SORL1: variants seen among roughly 807,000 people sequenced by gnomAD.
SORL1 encodes sortilin-related receptor.
Under a neutral mutation model 273.7 loss-of-function variants are expected in SORL1, and 127 were observed. The ratio of observed to expected loss-of-function variants is 0.46; its 90% confidence interval spans 0.40 to 0.54. SORL1 has a LOEUF of 0.54. SORL1 is among the 20% of genes least tolerant of loss of function. The pLI, the probability that SORL1 is intolerant of heterozygous loss-of-function variation, is 0.00. For synonymous variants in SORL1, 1,031 were observed against 1,067.4 expected (o/e 0.97, Z 0.66); for missense variants, 2,494 against 2,846.1 (o/e 0.88, Z 2.81).
chr11:121,616,774 A>G (rs900286541), intron 41 of SORL1, among the ~76,000 whole-genome samples: 1 of 152,252 alleles, frequency 6.6e-6, no homozygotes, highest in African/African-American at 2.4e-5. Context: ...ATATATGAAA[A>G]GATTTATTCT....
intron 1 of SORL1, among the ~76,000 whole-genome samples, chr11:121,467,416 C>T (rs1002598779): frequency 2.0e-5 from 3 of 152,276 alleles, no homozygotes; most frequent in Middle Eastern, 3.4e-3. Flanking sequence ...GAAAGCTTTG[C>T]AACCTACTCA....
chr11:121,595,687 C>T lies in SORL1; in HGVS notation c.4434C>T (p.Cys1478=). ...GATGTGACCGATTTGAGTTCGAATG[C>T]CACCAACCGAAGACGTGTATTCCCA... ...LGRCDRFEFE[C]HQPKTCIPNW... The change falls in exon 32 of 48, where the codon TGC becomes TGT. Residue 1478 remains cysteine (C), a synonymous_variant. Transcript: ENST00000260197. This position sits in a 1 kb window ranked among gnomAD's most constrained non-coding sequence, Gnocchi z 5.1. 1.9e-6 allele frequency: 3 copies of T among 1,613,900 alleles called. No individual in the cohort carries two copies. Among genetic ancestry groups the T allele is most frequent in the Non-Finnish European group, 2.5e-6 (3 of 1,179,930 alleles).
chr11:121,582,902 G>T (rs943913153), intron 25 of SORL1, among the ~76,000 whole-genome samples: 6 of 152,062 alleles, frequency 3.9e-5, no homozygotes, highest in African/African-American at 1.4e-4. Flanking sequence ...ACTTAGCAGG[G>T]CCCTTAGGTT....
intron 11 of SORL1, among the ~76,000 whole-genome samples, chr11:121,525,654 G>A (rs1481475786): frequency 6.6e-6 from 1 of 152,138 alleles, no homozygotes; most frequent in Non-Finnish European, 1.5e-5. Context: ...CATTGTAGTT[G>A]TAATTGGCAT....
intron 32 of SORL1, among the ~76,000 whole-genome samples, chr11:121,600,586 G>T (rs553054946): frequency 6.6e-6 from 1 of 152,306 alleles, no homozygotes; most frequent in African/African-American, 2.4e-5. Context: ...TTCATTAATT[G>T]GCATTCTTTA....
chr11:121,481,319 C>T, intron 3 of SORL1, among the ~76,000 whole-genome samples: 1 of 128,906 alleles, frequency 7.8e-6, no homozygotes, highest in African/African-American at 3.3e-5. Flanking sequence ...CAGCTCCTCC[C>T]CTAGTGCACA....
At chr11:121,465,755 C>T (rs1861072766) in intron 1 of SORL1, among the ~76,000 whole-genome samples, 1 of 152,212 alleles carries the variant, frequency 6.6e-6, no homozygotes, top group African/African-American at 2.4e-5. Flanking sequence ...TCTCCATCTC[C>T]TGACCTCGTG....
intron 1 of SORL1, among the ~76,000 whole-genome samples, chr11:121,464,143 G>A (rs1432186303): frequency 6.6e-6 from 1 of 152,210 alleles, no homozygotes; most frequent in Non-Finnish European, 1.5e-5. Context: ...CTTGTACTGC[G>A]TTTTGGGAGG....
At chr11:121,565,249 A>C (rs567500429) in intron 21 of SORL1, among the ~76,000 whole-genome samples, 10 of 152,060 alleles carry the variant, frequency 6.6e-5, no homozygotes, top group Non-Finnish European at 1.3e-4. Context: ...TATTTACTGA[A>C]TCTTTTGGAA....
At chr11:121,457,183 G>A (rs1860919746) in intron 1 of SORL1, among the ~76,000 whole-genome samples, 1 of 152,162 alleles carries the variant, frequency 6.6e-6, no homozygotes, top group Non-Finnish European at 1.5e-5. Flanking sequence ...CATGGTTAGA[G>A]GCACAGAAGG....
chr11:121,556,522 C>T (rs953108067), intron 18 of SORL1, among the ~76,000 whole-genome samples: 7 of 152,122 alleles, frequency 4.6e-5, no homozygotes, highest in African/African-American at 9.7e-5. Context: ...TCTTTAATTG[C>T]GTGTGGTCAG....
chr11:121,560,611 T>C (rs1862656967), intron 21 of SORL1, among the ~76,000 whole-genome samples: 1 of 152,212 alleles, frequency 6.6e-6, no homozygotes, highest in African/African-American at 2.4e-5. Flanking sequence ...AATGTTGATA[T>C]TGTTTTATGG....
chr11:121,610,147 C>T (rs1018623385), intron 38 of SORL1: 4 of 152,258 alleles, frequency 2.6e-5, no homozygotes, highest in African/African-American at 4.8e-5. Flanking sequence ...CTTTGAGTCT[C>T]TCTTGCCCAG....
rs78231126 is a variant in SORL1 at position 121,473,983 on chromosome 11, C to T, written c.402+3860C>T. Among the ~76,000 whole-genome samples the T allele has an allele frequency of 3.2e-3, 485 of 152,302 alleles. 6 individuals are homozygous for T. Among genetic ancestry groups the T allele is most frequent in the African/African-American group, 0.011 (464 of 41,564 alleles). ...TGCTTTTGTCCCTAGAGCAGTGTGA[C>T]ATCATGATTGTACCCCTCAGGACTG... On this transcript the variant is annotated intron_variant, in intron 2 of 47. Coordinates refer to ENST00000260197, the MANE Select transcript of SORL1 (RefSeq NM_003105.6).
intron 2 of SORL1, 84 bp downstream of exon 2, chr11:121,470,207 A>G: frequency 1.2e-6 from 1 of 860,682 alleles, no homozygotes; most frequent in Middle Eastern, 2.9e-4. Flanking sequence ...TACTGGAAAA[A>G]GTAGTGGGTA....
Position 121,470,975 on chromosome 11 carries a change from C to T in SORL1, c.402+852C>T, listed in dbSNP as rs561197924. Among the ~76,000 whole-genome samples the T allele has an allele frequency of 4.6e-5, 7 of 152,310 alleles. No homozygotes were observed. The South Asian group carries it at 1.5e-3, about 32-fold the overall frequency. On this transcript the variant is annotated intron_variant, in intron 2 of 47. Transcript: ENST00000260197. ...AAGTGTTGAGACTACAGGCTTGAGCCACCACACCTGGCCATTACAACACTC... is the reference window on the plus strand; with the variant it reads ...AAGTGTTGAGACTACAGGCTTGAGCTACCACACCTGGCCATTACAACACTC...
chr11:121,485,300 A>G (rs1299828292), intron 3 of SORL1, among the ~76,000 whole-genome samples: 2 of 152,208 alleles, frequency 1.3e-5, no homozygotes, highest in Non-Finnish European at 2.9e-5. Context: ...AGACCTATGA[A>G]TGAAGTTCAG....
chr11:121,574,419 C>T, intron 24 of SORL1, 56 bp downstream of exon 24: 1 of 1,549,958 alleles, frequency 6.5e-7, no homozygotes, highest in Non-Finnish European at 8.9e-7. Context: ...CATTGTGCTC[C>T]CTCACAGGGC....
intron 21 of SORL1, among the ~76,000 whole-genome samples, chr11:121,562,695 G>C (rs1447908787): frequency 6.6e-6 from 1 of 152,094 alleles, no homozygotes; most frequent in African/African-American, 2.4e-5. Context: ...CCAGTAATTT[G>C]GATATGCCAA....
Sources: allele counts gnomAD v4.1 joint callset (sites outside exome capture counted in the v4.1 genomes callset), GRCh38; gene constraint gnomAD v4.1.1; non-coding constraint Gnocchi (gnomAD v3.1); transcripts MANE v1.5; gene names NCBI Gene and HGNC (gene_info 2026-07-23, HGNC 2026-07-21).